The following RFX7 variants were observed in gnomAD, a reference collection of about 807,000 sequenced individuals.
RFX7 encodes DNA-binding protein RFX7.
A neutral mutation model predicts 111.8 loss-of-function variants in RFX7; 26 were observed. That is an observed-to-expected ratio of 0.23 (90% CI 0.17 to 0.32). RFX7 has a LOEUF of 0.32. RFX7 is among the 10% of genes least tolerant of loss of function. The pLI, the probability that RFX7 is intolerant of heterozygous loss-of-function variation, is 1.00. For missense variants in RFX7, 1,573 were observed against 1,772.9 expected (o/e 0.89, Z 2.02); for synonymous variants, 624 against 624.4 (o/e 1.00, Z 0.01).
chr15:56,232,533 T>C (rs1475617189), intron 2 of RFX7, among the ~76,000 whole-genome samples: 1 of 152,206 alleles, frequency 6.6e-6, no homozygotes, highest in Non-Finnish European at 1.5e-5. Flanking sequence ...AACACTTGTT[T>C]CCTCGTTACT....
chr15:56,220,489 C>T (rs1437653939), intron 2 of RFX7, among the ~76,000 whole-genome samples: 1 of 151,970 alleles, frequency 6.6e-6, no homozygotes, highest in African/African-American at 2.4e-5. Flanking sequence ...GCCTCGGCCT[C>T]TCAAAGTGTT....
chr15:56,134,084 A>G (rs540123213), intron 5 of RFX7, among the ~76,000 whole-genome samples: 1 of 152,334 alleles, frequency 6.6e-6, no homozygotes, highest in Non-Finnish European at 1.5e-5. Context: ...CTACCCACTC[A>G]GTTTGATATT....
intron 3 of RFX7, among the ~76,000 whole-genome samples, chr15:56,155,233 C>A (rs1239375058): frequency 6.6e-6 from 1 of 152,140 alleles, no homozygotes; most frequent in African/African-American, 2.4e-5. Context: ...CCTCAAGAAT[C>A]TAGTACTGGA....
intron 3 of RFX7, among the ~76,000 whole-genome samples, chr15:56,159,170 A>C (rs2042691169): frequency 6.6e-6 from 1 of 152,206 alleles, no homozygotes; most frequent in Non-Finnish European, 1.5e-5. Context: ...TAAATAACAG[A>C]AGTTCCCCCC....
At chr15:56,200,252 C>T (rs1248689969) in intron 2 of RFX7, among the ~76,000 whole-genome samples, 2 of 152,154 alleles carry the variant, frequency 1.3e-5, no homozygotes, top group Admixed American at 1.3e-4. Flanking sequence ...GAGATAGCTA[C>T]ATGCACAGCG....
At chr15:56,113,796 C>G (rs1286379090) in intron 5 of RFX7, among the ~76,000 whole-genome samples, 1 of 151,876 alleles carries the variant, frequency 6.6e-6, no homozygotes, top group African/African-American at 2.4e-5. Flanking sequence ...TTAAGACTTA[C>G]CTAGACCCAT....
intron 5 of RFX7, among the ~76,000 whole-genome samples, chr15:56,124,643 A>G (rs1362575981): frequency 1.3e-5 from 2 of 152,180 alleles, no homozygotes; most frequent in Admixed American, 1.3e-4. Flanking sequence ...ACCTATGGCC[A>G]TTTGTACACC....
chr15:56,196,528 T>C (rs1251873161), intron 2 of RFX7, among the ~76,000 whole-genome samples: 2 of 152,054 alleles, frequency 1.3e-5, no homozygotes, highest in South Asian at 2.1e-4. Flanking sequence ...AACTGTTACA[T>C]AGAAGTGTGG....
At chr15:56,129,132 T>A (rs1435198837) in intron 5 of RFX7, among the ~76,000 whole-genome samples, 2 of 152,130 alleles carry the variant, frequency 1.3e-5, no homozygotes, top group African/African-American at 4.8e-5. Context: ...TCCCAACACT[T>A]TGGGAGGCCG....
chr15:56,155,823 C>A (rs1466940593), intron 3 of RFX7, among the ~76,000 whole-genome samples: 1 of 151,166 alleles, frequency 6.6e-6, no homozygotes, highest in Non-Finnish European at 1.5e-5. Flanking sequence ...GGCTTTCATT[C>A]ATTCATTTTT....
chr15:56,098,723 C>A (rs1054894151), intron 8 of RFX7, among the ~76,000 whole-genome samples: 7 of 152,122 alleles, frequency 4.6e-5, no homozygotes, highest in African/African-American at 1.7e-4. Context: ...TACATTTTCT[C>A]AAAGGTCAGT....
At chr15:56,148,727 T>C (rs1432446648) in intron 3 of RFX7, among the ~76,000 whole-genome samples, 1 of 152,204 alleles carries the variant, frequency 6.6e-6, no homozygotes, top group East Asian at 1.9e-4. Flanking sequence ...TAGCTTGTAG[T>C]CATGTGATTA....
chr15:56,213,991 T>C (rs1223040087), intron 2 of RFX7, among the ~76,000 whole-genome samples: 5 of 152,206 alleles, frequency 3.3e-5, no homozygotes, highest in Admixed American at 3.3e-4. Context: ...CCCGTGATCT[T>C]AGCACCATTA....
chr15:56,152,757 A>G (rs1212213129), intron 3 of RFX7, among the ~76,000 whole-genome samples: 4 of 151,360 alleles, frequency 2.6e-5, no homozygotes, highest in Admixed American at 2.0e-4. Context: ...AAAAAAATCA[A>G]TGAATCCAGG....
intron 5 of RFX7, among the ~76,000 whole-genome samples, chr15:56,132,961 G>A (rs759630949): frequency 6.6e-6 from 1 of 151,970 alleles, no homozygotes; most frequent in Admixed American, 6.5e-5. Flanking sequence ...GCCAAATTTG[G>A]TTAAACAACA....
At chr15:56,107,278 T>C (rs2041841898) in intron 5 of RFX7, among the ~76,000 whole-genome samples, 1 of 104,920 alleles carries the variant, frequency 9.5e-6, no homozygotes, top group Admixed American at 1.6e-4. Flanking sequence ...GCCTGGGCAG[T>C]AGAGCAAGAC....
intron 3 of RFX7, among the ~76,000 whole-genome samples, chr15:56,145,395 CATGAT>C (rs1288813125): frequency 1.3e-5 from 2 of 152,146 alleles, no homozygotes; most frequent in African/African-American, 4.8e-5. Flanking sequence ...AAATACTTAA[CATGAT>C]ATAACCAAGC....
At chr15:56,234,920 G>GA (rs1419363432) in intron 2 of RFX7, among the ~76,000 whole-genome samples, 1 of 152,024 alleles carries the variant, frequency 6.6e-6, no homozygotes, top group Non-Finnish European at 1.5e-5. Context: ...CTAAACTACT[G>GA]AAAAAAATTA....
At chr15:56,244,349 T>A (rs1480477838), upstream of RFX7, 1 of 152,162 alleles carries the variant, frequency 6.6e-6, no homozygotes, top group Non-Finnish European at 1.5e-5. Context: ...ACCCTTTAGG[T>A]AATTCGGTCT....
Sources: allele counts gnomAD v4.1 joint callset (sites outside exome capture counted in the v4.1 genomes callset), GRCh38; gene constraint gnomAD v4.1.1; transcripts MANE v1.5; gene names NCBI Gene and HGNC (gene_info 2026-07-23, HGNC 2026-07-21).